The following UBR2 variants were observed in gnomAD, a reference collection of about 807,000 sequenced individuals.
UBR2 encodes the protein E3 ubiquitin-protein ligase UBR2.
Under a neutral mutation model 247.9 loss-of-function variants are expected in UBR2, and 92 were observed. The ratio of observed to expected loss-of-function variants is 0.37; its 90% CI spans 0.31 to 0.44. The LOEUF (loss-of-function observed/expected upper bound fraction) is 0.44, where lower values mean the gene tolerates loss of function less well. Among genes scored for constraint, UBR2 ranks in the 20% least tolerant of loss-of-function variants. UBR2 has a pLI of 1.00. For missense variants in UBR2, 1,613 were observed against 2,112.6 expected, an observed-to-expected ratio of 0.76 and a Z score of 4.64; for synonymous variants, 672 against 693.5, an observed-to-expected ratio of 0.97 and a Z score of 0.49.
chr6:42,580,481 G>A (rs991860322), intron 2 of UBR2, among the ~76,000 whole-genome samples: 1 of 152,062 alleles, frequency 6.6e-6, no homozygotes, highest in African/African-American at 2.4e-5. Context: ...TGGCCCCTCT[G>A]TGAGTTTTGA....
chr6:42,634,451 T>G (rs1562337143), intron 13 of UBR2, among the ~76,000 whole-genome samples: 1 of 152,180 alleles, frequency 6.6e-6, no homozygotes, highest in African/African-American at 2.4e-5. Flanking sequence ...TTGAATTTAT[T>G]TTTATTTATT....
Position 42,616,069 on chromosome 6 carries a change from A to G in UBR2, c.1161A>G (p.Leu387=), listed in dbSNP as rs143551821. The G allele has an allele frequency of 3.7e-5, 59 of 1,607,634 alleles. No homozygotes were observed. Among genetic ancestry groups the G allele is most frequent in the Non-Finnish European group, 4.8e-5 (56 of 1,178,588 alleles). ...TTATGGATTTGAAATACAAGAAACTATTTGCTGTTCGATTTGCAAAAGTAA... is the reference window on the plus strand; with the variant it reads ...TTATGGATTTGAAATACAAGAAACTGTTTGCTGTTCGATTTGCAAAAGTAA... ...SLLMDLKYKK[L]FAVRFAKNYE... The change falls in exon 10 of 47, where the codon CTA becomes CTG. Residue 387 remains leucine, a synonymous_variant. Transcript: ENST00000372901.
chr6:42,629,776 T>C lies in UBR2; in HGVS notation c.1282-2776T>C, dbSNP rs535244771. 2.7e-3 allele frequency among the ~76,000 whole-genome samples: 406 copies of C among 152,338 alleles called. 2 individuals are homozygous for C. The highest frequency in any genetic ancestry group is 9.4e-3 in the African/African-American group (391 of 41,578). On this transcript the variant is annotated intron_variant, in intron 11 of 46. Coordinates refer to ENST00000372901, the MANE Select transcript of UBR2 (RefSeq NM_001363705.2). ...AATTACTTTGAAAGGTTAGCAACAA[T>C]TTCTTAGCATAAGGTGATAAAGCTG...
At position 42,659,875 on chromosome 6, in the gene UBR2, T is replaced by C; in HGVS notation, c.3442+20T>C. The stretch of plus-strand genomic sequence containing the variant: ...ATCCAGGTAAGTCATAGCTAGATCC[T>C]CATCTTCCCTTTTAATAACAACTGC... On this transcript the variant is annotated intron_variant, in intron 30 of 46. Transcript: ENST00000372901. The surrounding 1 kb of genome is among the most constrained non-coding windows in gnomAD (Gnocchi z 4.3). 6.2e-7 allele frequency: 1 copy of C among 1,608,792 alleles called. No homozygotes were observed. The highest frequency in any genetic ancestry group is 1.1e-5 in the South Asian group (1 of 90,848).
At chr6:42,637,227 A>C (rs753880382) in intron 15 of UBR2, 33 bp downstream of exon 15, 1 of 1,585,446 alleles carries the variant, frequency 6.3e-7, no homozygotes, top group East Asian at 2.3e-5. Context: ...AAACCCTAAA[A>C]TTATCTTTTA....
intron 10 of UBR2, 159 bp from the exon 11 acceptor site, chr6:42,617,250 A>G: frequency 1.9e-6 from 3 of 1,614,120 alleles, no homozygotes; most frequent in Non-Finnish European, 2.5e-6. Flanking sequence ...AATTACCAGC[A>G]GTTGCAGAGA....
Position 42,688,258 on chromosome 6 carries a change from G to A in UBR2, c.4896G>A (p.Leu1632=), listed in dbSNP as rs1294561582. ...SGGDKSRAPT[L]CLVCGSLLCS... ...GTGATAAGAGCAGAGCCCCAACTCT[G>A]TGCCTTGTGTGCGGATCTCTGCTGT... Residue 1632 remains leucine (L), a synonymous_variant, in exon 45 of 47, where the codon CTG becomes CTA. Transcript: ENST00000372901. 2 of 1,614,054 alleles carry A rather than the reference G, an allele frequency of 1.2e-6. No homozygotes were observed. Among genetic ancestry groups the A allele is most frequent in the South Asian group, 2.2e-5 (2 of 91,084 alleles).
At chr6:42,672,611 T>C (rs1378091117) in intron 36 of UBR2, among the ~76,000 whole-genome samples, 2 of 152,174 alleles carry the variant, frequency 1.3e-5, no homozygotes, top group Non-Finnish European at 1.5e-5. Flanking sequence ...TCCAGACTTG[T>C]AGAATCACTG....
rs1260321983 is a variant in UBR2, at chr6:42,676,158, C to T, written c.4354C>T (p.His1452Tyr). Residue 1452 changes from histidine to tyrosine, a missense_variant, in exon 39 of 47, where the codon CAC becomes TAC. This residue lies in a region of UBR2 where 1,524 missense variants were observed against 1,967.3 expected (regional missense o/e 0.77). Coordinates refer to ENST00000372901, the MANE Select transcript of UBR2 (RefSeq NM_001363705.2). Reference protein sequence around the residue: ...LHIFHLVTMAHIIQILLTSCT... With the variant: ...LHIFHLVTMAYIIQILLTSCT... Reference sequence around the variant, plus strand: ...CATTTTCCATCTGGTTACTATGGCACACATCATACAGATCTTACTTACCTC... The same window carrying T: ...CATTTTCCATCTGGTTACTATGGCATACATCATACAGATCTTACTTACCTC... The T allele has an allele frequency of 6.2e-7, 1 of 1,613,194 alleles. No individual in the cohort carries two copies. The highest frequency in any genetic ancestry group is 1.3e-5 in the African/African-American group (1 of 74,828).
At chr6:42,648,055 AC>A (rs1796883590) in intron 21 of UBR2, 62 bp from the exon 22 acceptor site, 2 of 1,383,932 alleles carry the variant, frequency 1.4e-6, no homozygotes, top group Non-Finnish European at 2.0e-6. Flanking sequence ...GAGATAAAAC[AC>A]AATGCTAAGA....
chr6:42,649,713 T>A (rs370051591), intron 22 of UBR2, among the ~76,000 whole-genome samples: 1 of 152,218 alleles, frequency 6.6e-6, no homozygotes, highest in African/African-American at 2.4e-5. Flanking sequence ...TTTTTCTTTA[T>A]GGTTGTTTGT....
At chr6:42,583,228 T>C (rs1792021496) in intron 2 of UBR2, among the ~76,000 whole-genome samples, 1 of 152,210 alleles carries the variant, frequency 6.6e-6, no homozygotes, top group Non-Finnish European at 1.5e-5. Flanking sequence ...AAAAATAGTT[T>C]CTGTGATTTA....
At chr6:42,637,554 A>G (rs924253174) in intron 15 of UBR2, among the ~76,000 whole-genome samples, 1 of 152,198 alleles carries the variant, frequency 6.6e-6, no homozygotes, top group Admixed American at 6.5e-5. Context: ...TTCAAAGTCT[A>G]TGTTGTTACC....
At chr6:42,616,632 C>G (rs1375170548) in intron 10 of UBR2, among the ~76,000 whole-genome samples, 5 of 135,136 alleles carry the variant, frequency 3.7e-5, no homozygotes, top group Non-Finnish European at 6.5e-5. Flanking sequence ...ATGTATTTTG[C>G]TTTTTTTTTT....
chr6:42,582,144 G>A (rs112848166), intron 2 of UBR2, among the ~76,000 whole-genome samples: 3,314 of 152,006 alleles, frequency 0.022, 110 homozygotes, highest in African/African-American at 0.075. Flanking sequence ...TTAGCCGGGC[G>A]TGGTGGCGGG....
chr6:42,585,289 G>T (rs1012727642), intron 2 of UBR2, among the ~76,000 whole-genome samples: 10 of 152,096 alleles, frequency 6.6e-5, no homozygotes, highest in Middle Eastern at 6.8e-3. Context: ...GATGAATCCG[G>T]CTCTATTATC....
intron 21 of UBR2, among the ~76,000 whole-genome samples, chr6:42,647,620 G>A (rs1796853078): frequency 6.6e-6 from 1 of 151,764 alleles, no homozygotes; most frequent in Admixed American, 6.6e-5. Context: ...TAAAGTGATT[G>A]TAACTGTATT....
At chr6:42,633,003 G>A in intron 13 of UBR2, 99 bp downstream of exon 13, 4 of 794,566 alleles carry the variant, frequency 5.0e-6, no homozygotes, top group Non-Finnish European at 7.3e-6. Context: ...TTAAGAGATG[G>A]GGGTCTCACT....
At chr6:42,640,349 T>A in intron 16 of UBR2, 79 bp downstream of exon 16, 1 of 1,292,416 alleles carries the variant, frequency 7.7e-7, no homozygotes, top group Non-Finnish European at 1.1e-6. Context: ...AACACATTTT[T>A]AGTTTGGGTT....
Sources: allele counts gnomAD v4.1 joint callset (sites outside exome capture counted in the v4.1 genomes callset), GRCh38; gene constraint gnomAD v4.1.1; regional missense constraint gnomAD v4.1.1; non-coding constraint Gnocchi (gnomAD v3.1); transcripts MANE v1.5; gene names NCBI Gene and HGNC (gene_info 2026-07-23, HGNC 2026-07-21).